CELF2: variants seen among roughly 807,000 people sequenced by gnomAD.
CELF2 encodes the protein CUGBP Elav-like family member 2.
A neutral mutation model predicts 62.6 loss-of-function variants in CELF2; 8 were observed. The ratio of observed to expected loss-of-function variants is 0.13; its 90% CI spans 0.07 to 0.23. The LOEUF (loss-of-function observed/expected upper bound fraction) is 0.23, where lower values mean the gene tolerates loss of function less well. CELF2 is among the 10% of genes least tolerant of loss of function. CELF2 has a pLI of 1.00. For missense variants in CELF2, 333 were observed against 671.0 expected, an observed-to-expected ratio of 0.50 and a Z score of 5.56; for synonymous variants, 258 against 250.0, an observed-to-expected ratio of 1.03 and a Z score of -0.30.
chr10:11,237,019 G>T lies in CELF2; in HGVS notation c.355-12134G>T, dbSNP rs564146483. On this transcript the variant is annotated intron_variant, in intron 3 of 12. Coordinates refer to ENST00000633077, the MANE Select transcript of CELF2 (RefSeq NM_001326342.2). This position sits in a 1 kb window ranked among gnomAD's most constrained non-coding sequence, Gnocchi z 4.0. ...TTGGTAGATAAGTCAAAGTCTTTGA[G>T]TGGGGGAGAAAAATTTCTAGACTGA... Among the ~76,000 whole-genome samples, 1 of 152,326 alleles carries T rather than the reference G, an allele frequency of 6.6e-6. No individual in the cohort carries two copies. Among genetic ancestry groups the T allele is most frequent in the Non-Finnish European group, 1.5e-5 (1 of 68,026 alleles).
rs527485788 is a variant in CELF2, at chr10:10,978,034, G to GTTT, written c.89+58039_89+58041dup. 1.0e-3 allele frequency among the ~76,000 whole-genome samples: 127 copies of GTTT among 121,764 alleles called. 7 individuals are homozygous for GTTT. The highest frequency in any genetic ancestry group is 3.6e-3 in the African/African-American group (104 of 29,240). 79.9% of individuals were successfully genotyped at this position (121,764 alleles called of 152,430 possible). On this transcript the variant is annotated intron_variant, in intron 2 of 13. Transcript: ENST00000636488. The stretch of plus-strand genomic sequence containing the variant: ...GTGTTTTGGGTTTGGGTTTTTTTTT[G>GTTT]TTTTTTGTTTTTTTTTTTCCAGAGA...
At chr10:10,506,378 C>G in the CELF2 span, among the ~76,000 whole-genome samples, 2 of 151,884 alleles carry the variant, frequency 1.3e-5, no homozygotes, top group African/African-American at 4.8e-5. Flanking sequence ...CCAACTGGTT[C>G]TGGAATGAGT....
chr10:10,827,283 G>A (rs992050532), intron 1 of CELF2, among the ~76,000 whole-genome samples: 2 of 152,020 alleles, frequency 1.3e-5, no homozygotes, highest in African/African-American at 4.8e-5. Flanking sequence ...TCAATAATGG[G>A]GTACTCAGGG....
chr10:11,258,998 C>T (rs987693352), intron 5 of CELF2, among the ~76,000 whole-genome samples: 2 of 152,224 alleles, frequency 1.3e-5, no homozygotes, highest in Non-Finnish European at 2.9e-5. Context: ...TTTTTCACTT[C>T]TTACAGGAAA....
At chr10:10,761,993 C>T in the CELF2 span, among the ~76,000 whole-genome samples, 1 of 151,008 alleles carries the variant, frequency 6.6e-6, no homozygotes, top group African/African-American at 2.4e-5. Flanking sequence ...GGTTCTGTTT[C>T]TCTGGAGAGC....
At chr10:11,273,972 C>A (rs796987896) in intron 7 of CELF2, among the ~76,000 whole-genome samples, 2 of 134,782 alleles carry the variant, frequency 1.5e-5, no homozygotes, top group South Asian at 2.6e-4. Flanking sequence ...ATCCCCACCC[C>A]CCCCCCCCAC....
chr10:10,688,740 G>A, the CELF2 span, among the ~76,000 whole-genome samples: 67 of 152,216 alleles, frequency 4.4e-4, no homozygotes, highest in African/African-American at 1.5e-3. Context: ...GGGCTCAGTG[G>A]CTCATGCCTG....
chr10:11,198,513 A>T (rs952581245), intron 2 of CELF2, among the ~76,000 whole-genome samples: 2 of 152,216 alleles, frequency 1.3e-5, no homozygotes, highest in East Asian at 3.8e-4. Context: ...CTACACTTTC[A>T]TGTACTCATC....
At chr10:11,230,376 G>A (rs1043539126) in intron 3 of CELF2, among the ~76,000 whole-genome samples, 2 of 152,098 alleles carry the variant, frequency 1.3e-5, no homozygotes, top group South Asian at 2.1e-4. Flanking sequence ...CTGTAGAACC[G>A]GTCCTCTCCG....
the CELF2 span, among the ~76,000 whole-genome samples, chr10:10,480,981 T>A: frequency 6.6e-6 from 1 of 152,148 alleles, no homozygotes; most frequent in African/African-American, 2.4e-5. Context: ...GAGAATCATT[T>A]GAACCTGGGA....
In CELF2 at chr10:11,008,883, T is replaced by A. The variant is rs1423830153; in HGVS notation, c.53+3443T>A. Among the ~76,000 whole-genome samples the A allele has an allele frequency of 6.6e-6, 1 of 151,966 alleles. No individual in the cohort carries two copies. Among genetic ancestry groups the A allele is most frequent in the African/African-American group, 2.4e-5 (1 of 41,378 alleles). On this transcript the variant is annotated intron_variant, in intron 1 of 12. Coordinates refer to the CELF2 transcript ENST00000416382. This position sits in a 1 kb window ranked among gnomAD's most constrained non-coding sequence, Gnocchi z 4.5. The stretch of plus-strand genomic sequence containing the variant: ...GGCATCATCTTCTTTGTGGCATTGA[T>A]CTGTACTTTCTGGAACAGTAATGAG...
intron 2 of CELF2, chr10:10,946,227 T>TTATA (rs1485928397): frequency 2.0e-5 from 3 of 152,326 alleles, no homozygotes; most frequent in Non-Finnish European, 4.4e-5. Context: ...TGGGAGAGAT[T>TTATA]TATATGAGCT....
chr10:10,537,637 G>A, the CELF2 span, among the ~76,000 whole-genome samples: 19 of 152,184 alleles, frequency 1.2e-4, no homozygotes, highest in African/African-American at 3.9e-4. Context: ...TTGGTGTCAG[G>A]AGAACCAGCC....
Position 11,332,352 on chromosome 10 carries a change from G to C in CELF2, c.*3299G>C, listed in dbSNP as rs1171243033. 6.6e-6 allele frequency: 1 copy of C among 152,188 alleles called. No homozygotes were observed. Among genetic ancestry groups the C allele is most frequent in the Admixed American group, 6.5e-5 (1 of 15,270 alleles). The allele number at this position is 152,188 out of a possible 1,614,324, so 9.4% of individuals were successfully genotyped here. ...ATTTCTAATCAGCCATTATGCTGGG[G>C]CATCTCTGATCCCAGTAGGTACCTC... On this transcript the variant is annotated 3_prime_UTR_variant, in exon 13 of 13. Coordinates refer to ENST00000633077, the MANE Select transcript of CELF2 (RefSeq NM_001326342.2).
intron 2 of CELF2, among the ~76,000 whole-genome samples, chr10:11,180,941 C>T (rs1043172876): frequency 2.0e-5 from 3 of 152,212 alleles, no homozygotes; most frequent in Non-Finnish European, 4.4e-5. Flanking sequence ...GCGATCTCGG[C>T]TCACTGCAAG....
intron 1 of CELF2, among the ~76,000 whole-genome samples, chr10:11,024,611 G>A (rs967335185): frequency 6.7e-6 from 1 of 150,220 alleles, no homozygotes; most frequent in Non-Finnish European, 1.5e-5. Context: ...CTTCTTCTAA[G>A]AATAATAATA....
chr10:11,233,713 C>T (rs1291407710), intron 3 of CELF2, among the ~76,000 whole-genome samples: 2 of 152,194 alleles, frequency 1.3e-5, no homozygotes, highest in Non-Finnish European at 2.9e-5. Context: ...CCTTTCTAAC[C>T]CCCAACCTCC....
At chr10:11,089,469 G>A (rs1046771955) in intron 1 of CELF2, among the ~76,000 whole-genome samples, 2 of 152,160 alleles carry the variant, frequency 1.3e-5, no homozygotes, top group Non-Finnish European at 2.9e-5. Context: ...CAGGCATCTC[G>A]ACATTTAGAA....
intron 1 of CELF2, among the ~76,000 whole-genome samples, chr10:11,063,523 G>T (rs2067326024): frequency 6.6e-6 from 1 of 152,132 alleles, no homozygotes; most frequent in African/African-American, 2.4e-5. Context: ...GTAATTTGGG[G>T]TCACATTTTA....
Sources: gnomAD v4.1 joint callset for allele counts (sites outside exome capture counted in the v4.1 genomes callset) on GRCh38, gnomAD v4.1.1 for gene constraint, Gnocchi (gnomAD v3.1) non-coding constraint, MANE v1.5 for transcripts, NCBI Gene and HGNC (gene_info 2026-07-23, HGNC 2026-07-21) for gene names.